Variants in LOXL2 observed in about 807,000 individuals in gnomAD.
LOXL2 encodes lysyl oxidase like 2.
In LOXL2, 70 loss-of-function variants were observed where a neutral mutation model predicts 93.0. The observed-to-expected ratio is 0.75, with a 90% CI of 0.62 to 0.92. The LOEUF is 0.92. LOXL2 is among the 40% of genes least tolerant of loss of function. The pLI, the probability that LOXL2 is intolerant of heterozygous loss-of-function variation, is 0.00. For missense variants in LOXL2, 973 were observed against 1,054.9 expected (o/e 0.92, Z 1.08); for synonymous variants, 438 against 413.2 (o/e 1.06, Z -0.73).
chr8:23,393,804 T>G (rs1486566400), intron 1 of LOXL2, among the ~76,000 whole-genome samples: 1 of 152,222 alleles, frequency 6.6e-6, no homozygotes, highest in East Asian at 1.9e-4. Context: ...GATGACCAAA[T>G]ATTTATCGCA....
At chr8:23,379,249 C>T (rs1471452590) in intron 1 of LOXL2, among the ~76,000 whole-genome samples, 1 of 152,138 alleles carries the variant, frequency 6.6e-6, no homozygotes, top group Non-Finnish European at 1.5e-5. Flanking sequence ...TGCAGAACAG[C>T]GAATATTGCT....
intron 1 of LOXL2, among the ~76,000 whole-genome samples, chr8:23,375,239 A>G (rs1206867407): frequency 6.6e-6 from 1 of 152,084 alleles, no homozygotes; most frequent in Admixed American, 6.5e-5. Flanking sequence ...CAGGTTTGTT[A>G]AAGATCGGAT....
chr8:23,324,306 T>C (rs1417652255), intron 6 of LOXL2, among the ~76,000 whole-genome samples: 1 of 152,170 alleles, frequency 6.6e-6, no homozygotes, highest in Non-Finnish European at 1.5e-5. Flanking sequence ...TGCGTGGCTG[T>C]CTCAGACATC....
At chr8:23,379,410 C>T (rs1186738713) in intron 1 of LOXL2, among the ~76,000 whole-genome samples, 2 of 152,234 alleles carry the variant, frequency 1.3e-5, no homozygotes, top group African/African-American at 4.8e-5. Context: ...GGCAGTCTTC[C>T]TGTTCTCAGA....
intron 1 of LOXL2, among the ~76,000 whole-genome samples, chr8:23,380,387 G>A (rs1192121187): frequency 4.0e-4 from 8 of 19,896 alleles, no homozygotes; most frequent in East Asian, 7.5e-3. Flanking sequence ...GCGAGACTCC[G>A]TCTCAAAAAA....
chr8:23,385,394 A>C (rs1309123110), intron 1 of LOXL2, among the ~76,000 whole-genome samples: 10 of 146,330 alleles, frequency 6.8e-5, no homozygotes, highest in Non-Finnish European at 1.3e-4. Context: ...TTACAGGCAC[A>C]CACCACCACA....
chr8:23,378,545 G>T (rs1310301157), intron 1 of LOXL2, among the ~76,000 whole-genome samples: 1 of 152,146 alleles, frequency 6.6e-6, no homozygotes, highest in Non-Finnish European at 1.5e-5. Context: ...TTTCCAACTT[G>T]GTTCCATTCT....
chr8:23,372,839 CAG>C (rs969819691), intron 1 of LOXL2, among the ~76,000 whole-genome samples: 4 of 152,104 alleles, frequency 2.6e-5, no homozygotes, highest in Non-Finnish European at 4.4e-5. Context: ...ATAGAAGACA[CAG>C]AAAAATCCTG....
chr8:23,349,173 A>C (rs1263553238), intron 3 of LOXL2, among the ~76,000 whole-genome samples: 1 of 152,108 alleles, frequency 6.6e-6, no homozygotes, highest in Non-Finnish European at 1.5e-5. Context: ...CTGTGCAAGG[A>C]GAATCATGGG....
At chr8:23,316,840 T>C in intron 9 of LOXL2, 109 bp downstream of exon 9, 1 of 1,117,004 alleles carries the variant, frequency 9.0e-7, no homozygotes, top group South Asian at 1.8e-5. Flanking sequence ...TCATTCTACC[T>C]TCCTCTATTG....
chr8:23,309,883 C>A lies in LOXL2; in HGVS notation c.1665G>T (p.Glu555Asp). The A allele has an allele frequency of 6.5e-7, 1 of 1,548,274 alleles. No individual in the cohort carries two copies. The highest frequency in any genetic ancestry group is 8.8e-7 in the Non-Finnish European group (1 of 1,142,318). The change falls in exon 10 of 14, where the codon GAG (glutamate) becomes GAT (aspartate). Residue 555 changes from glutamate (E) to aspartate (D), a missense_variant. By Grantham distance (45) the Glu-to-Asp change is conservative. Coordinates refer to ENST00000389131, the MANE Select transcript of LOXL2 (RefSeq NM_002318.3). ...CCAGGTAGGTGGTCTGCTGCACCATCTCCGCATTGAGGACCAGGTCAGGGG... is the reference window on the plus strand; with the variant it reads ...CCAGGTAGGTGGTCTGCTGCACCATATCCGCATTGAGGACCAGGTCAGGGG... ...ETAPDLVLNA[E>D]MVQQTTYLED...
At chr8:23,395,265 A>C (rs2117239582) in intron 1 of LOXL2, among the ~76,000 whole-genome samples, 1 of 152,064 alleles carries the variant, frequency 6.6e-6, no homozygotes, top group East Asian at 1.9e-4. Context: ...AACAAAACAA[A>C]ACAAAGAAAC....
At chr8:23,366,767 C>T (rs776941403) in intron 2 of LOXL2, among the ~76,000 whole-genome samples, 4 of 152,190 alleles carry the variant, frequency 2.6e-5, no homozygotes, top group Non-Finnish European at 5.9e-5. Context: ...TGGGAGCTTC[C>T]TTTGCCTGGC....
chr8:23,377,841 G>T (rs377259064), intron 1 of LOXL2, among the ~76,000 whole-genome samples: 2 of 152,024 alleles, frequency 1.3e-5, no homozygotes, highest in Non-Finnish European at 2.9e-5. Flanking sequence ...GTCTCTGCAC[G>T]TGAGATGGGT....
At chr8:23,328,053 C>T (rs62501369) in intron 6 of LOXL2, among the ~76,000 whole-genome samples, 10 of 151,732 alleles carry the variant, frequency 6.6e-5, no homozygotes, top group Admixed American at 1.3e-4. Context: ...AGAACCCTGG[C>T]GTTTTTTGGT....
chr8:23,322,152 G>C lies in LOXL2; in HGVS notation c.1280C>G (p.Pro427Arg). The change falls in exon 7 of 14, where the codon CCT (proline) becomes CGT (arginine). Residue 427 changes from proline (P) to arginine (R), a missense_variant. Pro to Arg is a moderately radical substitution (Grantham distance 103). Transcript: ENST00000389131. Reference sequence around the variant, plus strand: ...CACCTTCTTCTGCAAGCCCATGGCAGGGGTGTTGCATCTCACACCAGCATC... The same window carrying C: ...CACCTTCTTCTGCAAGCCCATGGCACGGGTGTTGCATCTCACACCAGCATC... ...EEDAGVRCNT[P>R]AMGLQKKLRL... 1 of 1,614,208 alleles carries C rather than the reference G, an allele frequency of 6.2e-7. No homozygotes were observed. The highest frequency in any genetic ancestry group is 1.1e-5 in the South Asian group (1 of 91,088).
intron 10 of LOXL2, among the ~76,000 whole-genome samples, chr8:23,304,972 G>C (rs1198717719): frequency 6.6e-6 from 1 of 152,170 alleles, no homozygotes; most frequent in Non-Finnish European, 1.5e-5. Flanking sequence ...ATCAGAAGTT[G>C]CTAAGTTGGG....
Position 23,309,784 on chromosome 8 carries a change from G to A in LOXL2, c.1764C>T (p.Asp588=). The A allele has an allele frequency of 6.2e-7, 1 of 1,604,554 alleles. No homozygotes were observed. The highest frequency in any genetic ancestry group is 8.5e-7 in the Non-Finnish European group (1 of 1,175,918). ...NCLSASAAQT[D]PTTGYRRLLR... is the part of the protein sequence containing the mutation. ...GGAGCCGGCGGTAGCCCGTGGTGGG[G>A]TCGGTCTGCGCGGCTGAGGCCGAGA... Residue 588 remains aspartate (D), a synonymous_variant, in exon 10 of 14, where the codon GAC becomes GAT. Transcript: ENST00000389131.
At chr8:23,380,470 A>G (rs7845265) in intron 1 of LOXL2, among the ~76,000 whole-genome samples, 106,372 of 150,804 alleles carry the variant, frequency 0.71, 37,720 homozygotes, top group East Asian at 0.83. Flanking sequence ...TTCCTGGATT[A>G]TCCAATCTGT....
Sources: gnomAD v4.1 joint callset for allele counts (sites outside exome capture counted in the v4.1 genomes callset) on GRCh38, gnomAD v4.1.1 for gene constraint, MANE v1.5 for transcripts, NCBI Gene and HGNC (gene_info 2026-07-23, HGNC 2026-07-21) for gene names.